NEDD4: variants seen among roughly 807,000 people sequenced by gnomAD.
NEDD4 encodes E3 ubiquitin-protein ligase NEDD4.
Under a neutral mutation model 144.9 loss-of-function variants are expected in NEDD4, and 99 were observed. The ratio of observed to expected loss-of-function variants is 0.68; its 90% CI spans 0.58 to 0.81. The LOEUF (loss-of-function observed/expected upper bound fraction) is 0.81, where lower values mean the gene tolerates loss of function less well. Among genes scored for constraint, NEDD4 ranks in the 30% least tolerant of loss-of-function variants. The pLI, the probability that NEDD4 is intolerant of heterozygous loss-of-function variation, is 0.00. For missense variants in NEDD4, 985 were observed against 1,065.9 expected (o/e 0.92, Z 1.06); for synonymous variants, 318 against 350.6 (o/e 0.91, Z 1.04).
intron 5 of NEDD4, among the ~76,000 whole-genome samples, chr15:55,892,584 T>C (rs1381004045): frequency 6.6e-6 from 1 of 152,104 alleles, no homozygotes; most frequent in Non-Finnish European, 1.5e-5. Context: ...TTTTAAAAAG[T>C]AATTTAAAAA....
intron 5 of NEDD4, among the ~76,000 whole-genome samples, chr15:55,919,508 A>G (rs2036529469): frequency 6.6e-6 from 1 of 152,164 alleles, no homozygotes; most frequent in African/African-American, 2.4e-5. Flanking sequence ...TGAGGTCTGA[A>G]ATTGCATAGG....
At chr15:55,924,755 C>A in intron 4 of NEDD4, 56 bp from the exon 5 acceptor site, 3 of 1,518,358 alleles carry the variant, frequency 2.0e-6, no homozygotes, top group East Asian at 4.7e-5. Flanking sequence ...CACAGATACT[C>A]AGAAATAAAT....
At chr15:55,981,989 T>C (rs527703527) in intron 1 of NEDD4, among the ~76,000 whole-genome samples, 48 of 152,294 alleles carry the variant, frequency 3.2e-4, no homozygotes, top group African/African-American at 1.1e-3. Flanking sequence ...ATCACTACTT[T>C]TAAGTGTGAT....
intron 17 of NEDD4, among the ~76,000 whole-genome samples, 175 bp downstream of exon 17, chr15:55,848,197 A>G (rs1416754716): frequency 3.9e-5 from 6 of 152,206 alleles, no homozygotes; most frequent in African/African-American, 1.4e-4. Flanking sequence ...AAGGATAATG[A>G]CGTTATAGAA....
At chr15:55,855,528 A>G (rs1490892843) in intron 12 of NEDD4, among the ~76,000 whole-genome samples, 1 of 152,202 alleles carries the variant, frequency 6.6e-6, no homozygotes, top group African/African-American at 2.4e-5. Flanking sequence ...CTTCTGGAAA[A>G]CAGAGACAAA....
At chr15:55,912,623 C>T (rs12442940) in intron 5 of NEDD4, among the ~76,000 whole-genome samples, 21,735 of 151,870 alleles carry the variant, frequency 0.14, 1,697 homozygotes, top group East Asian at 0.36. Context: ...ATGGGGGAAA[C>T]AAAATAACAG....
intron 17 of NEDD4, among the ~76,000 whole-genome samples, chr15:55,847,676 CTT>C (rs149696600): frequency 0.62 from 70,151 of 112,658 alleles, 20,680 homozygotes; most frequent in Non-Finnish European, 0.69. Flanking sequence ...TTTCTTTTTC[CTT>C]TTTTTTTTTT....
Position 55,883,736 on chromosome 15 carries a change from A to AAG in NEDD4, c.292-9730_292-9729dup, listed in dbSNP as rs373217200. ...ACACACACACACACACAGAAAGAGAAAGAGAGAGAGAGAGACTCTATTTGT... is the reference window on the plus strand; with the variant it reads ...ACACACACACACACACAGAAAGAGAAAGAGAGAGAGAGAGAGACTCTATTTGT... On this transcript the variant is annotated intron_variant, in intron 5 of 28. Coordinates refer to ENST00000435532, the MANE Select transcript of NEDD4 (RefSeq NM_006154.4). Among the ~76,000 whole-genome samples the AAG allele has an allele frequency of 3.4e-4, 51 of 150,644 alleles. No individual in the cohort carries two copies. The East Asian group carries it at 5.7e-3, about 17-fold the overall frequency.
intron 4 of NEDD4, among the ~76,000 whole-genome samples, chr15:55,924,958 C>A (rs1378644472): frequency 2.0e-5 from 3 of 152,196 alleles, no homozygotes; most frequent in Non-Finnish European, 2.9e-5. Context: ...GTCCCAGCTA[C>A]TTGGGATGCT....
intron 4 of NEDD4, among the ~76,000 whole-genome samples, chr15:55,949,467 T>G (rs1233903880): frequency 2.6e-5 from 4 of 152,162 alleles, no homozygotes; most frequent in Admixed American, 6.5e-5. Context: ...ACCCAAAGGA[T>G]TATAAATCAT....
intron 5 of NEDD4, among the ~76,000 whole-genome samples, chr15:55,917,772 G>C (rs932106995): frequency 6.6e-6 from 1 of 151,506 alleles, no homozygotes; most frequent in African/African-American, 2.4e-5. Flanking sequence ...TTTATATTTT[G>C]ACTATTAAAA....
chr15:55,939,091 G>C (rs2036946646), intron 4 of NEDD4, among the ~76,000 whole-genome samples: 1 of 146,954 alleles, frequency 6.8e-6, no homozygotes, highest in Non-Finnish European at 1.5e-5. Context: ...GGATAATAGA[G>C]TGAGACCGTG....
In NEDD4 at chr15:55,924,695, T is replaced by C. The variant is rs767876259; in HGVS notation, c.242A>G (p.His81Arg). 17 of 1,608,336 alleles carry C rather than the reference T, an allele frequency of 1.1e-5. No homozygotes were observed. Among genetic ancestry groups the C allele is most frequent in the African/African-American group, 1.3e-5 (1 of 74,938 alleles). Residue 81 changes from histidine (H) to arginine (R), a missense_variant, in exon 5 of 29, where the codon CAT becomes CGT. Transcript: ENST00000435532. ...KWNEEILFRV[H>R]PQQHRLLFEV... The stretch of plus-strand genomic sequence containing the variant: ...AAAAAGAAGCCGGTGCTGCTGAGGA[T>C]GAACCTAAGAAAAACACAATCTTTA...
Position 55,852,441 on chromosome 15 carries a change from T to C in NEDD4, c.1129A>G (p.Thr377Ala). The change falls in exon 13 of 29, where the codon ACA becomes GCA. Residue 377 changes from threonine (T) to alanine (A), a missense_variant. Physicochemically the swap from Thr to Ala is moderately conservative, Grantham distance 58 (BLOSUM62 0). Transcript: ENST00000435532. ...VDHNSRTTTW[T>A]KPTVQATVET... ...CAGGATACCTGTACAGTGGGCTTTGTCCAAGTAGTCGTTCTGGAATTGTGA... is the reference window on the plus strand; with the variant it reads ...CAGGATACCTGTACAGTGGGCTTTGCCCAAGTAGTCGTTCTGGAATTGTGA... The C allele has an allele frequency of 1.9e-6, 3 of 1,612,354 alleles. No homozygotes were observed. Among genetic ancestry groups the C allele is most frequent in the Non-Finnish European group, 2.5e-6 (3 of 1,179,036 alleles).
chr15:55,976,880 G>A (rs2037709918), intron 1 of NEDD4, among the ~76,000 whole-genome samples: 1 of 151,894 alleles, frequency 6.6e-6, no homozygotes, highest in African/African-American at 2.4e-5. Context: ...TGATCCACCC[G>A]CCTTGGCCTC....
intron 5 of NEDD4, among the ~76,000 whole-genome samples, chr15:55,904,397 G>C (rs2036017969): frequency 6.6e-6 from 1 of 151,972 alleles, no homozygotes; most frequent in African/African-American, 2.4e-5. Flanking sequence ...CCGCCTCCCA[G>C]GTTAAAGACA....
intron 5 of NEDD4, chr15:55,915,138 A>G: frequency 1.6e-6 from 1 of 615,494 alleles, no homozygotes; most frequent in East Asian, 3.0e-5. Flanking sequence ...TCAGATTTAC[A>G]AATATAAAAT....
intron 5 of NEDD4, among the ~76,000 whole-genome samples, chr15:55,909,128 C>T (rs1363850601): frequency 6.6e-6 from 1 of 152,164 alleles, no homozygotes; most frequent in Non-Finnish European, 1.5e-5. Flanking sequence ...GCTCTTTCTT[C>T]ACCAACAGAC....
rs193209407 is a variant in NEDD4 at position 55,830,626 on chromosome 15, A to G, written c.2528-40T>C. On this transcript the variant is annotated intron_variant, in intron 27 of 28. Transcript: ENST00000435532. ...TTATTTGGTTTCATTTACTCTCTAC[A>G]AGGATCTCCAGGCATATCAAAACTT... 1,291 of 1,568,210 alleles carry G rather than the reference A, an allele frequency of 8.2e-4. 1 individual carries two copies. Among genetic ancestry groups the G allele is most frequent in the Non-Finnish European group, 8.8e-4 (1,006 of 1,138,238 alleles).
Sources: allele counts gnomAD v4.1 joint callset (sites outside exome capture counted in the v4.1 genomes callset), GRCh38; gene constraint gnomAD v4.1.1; transcripts MANE v1.5; gene names NCBI Gene and HGNC (gene_info 2026-07-23, HGNC 2026-07-21).